Variants in KCNIP2 observed in about 807,000 individuals in gnomAD.
The protein encoded by KCNIP2 is A-type potassium channel modulatory protein KCNIP2.
In KCNIP2, 19 loss-of-function variants were observed where a neutral mutation model predicts 39.0. The observed-to-expected ratio is 0.49, with a 90% CI of 0.34 to 0.71. The LOEUF is 0.71. KCNIP2 is among the 30% of genes least tolerant of loss of function. The pLI is 0.01. For missense variants in KCNIP2, 261 were observed against 346.0 expected (o/e 0.75, Z 1.95); for synonymous variants, 111 against 131.2 (o/e 0.85, Z 1.05).
intron 1 of KCNIP2, among the ~76,000 whole-genome samples, chr10:101,832,296 CTGTGTGTGTGTGTGTGTGTG>C (rs57005983): frequency 5.0e-5 from 7 of 139,976 alleles, no homozygotes; most frequent in African/African-American, 8.2e-5. Flanking sequence ...CTCAGTGTTA[CTGTGTGTGTGTGTGTGTGTG>C]TGTGTGTGTG....
rs1397578911 is a variant in KCNIP2 at position 101,838,855 on chromosome 10, G to A, written c.73+4641C>T. ...GAATGCCACAGGACCAGGTTGTTTT[G>A]GTCTGTTTGAGGTCAGGTACAGAGG... On this transcript the variant is annotated intron_variant, in intron 1 of 9. Coordinates refer to ENST00000356640, the MANE Select transcript of KCNIP2 (RefSeq NM_173191.3). The surrounding 1 kb of genome is among the most constrained non-coding windows in gnomAD (Gnocchi z 4.0). Among the ~76,000 whole-genome samples the A allele has an allele frequency of 1.3e-5, 2 of 152,172 alleles. No homozygotes were observed. Among genetic ancestry groups the A allele is most frequent in the Non-Finnish European group, 2.9e-5 (2 of 68,034 alleles).
In KCNIP2 at chr10:101,828,180, G is replaced by C; in HGVS notation, c.568C>G (p.Leu190Val). The C allele has an allele frequency of 6.2e-7, 1 of 1,614,058 alleles. No individual in the cohort carries two copies. ...RLNWAFNLYD[L>V]NKDGCITKEE... ...TTGGTGATGCAGCCGTCCTTGTTAA[G>C]GTCATACAGGTTGAAGGCCCAATTA... The change falls in exon 7 of 10, where the codon CTT becomes GTT. Residue 190 changes from leucine (L) to valine (V), a missense_variant. Transcript: ENST00000356640. This position sits in a 1 kb window ranked among gnomAD's most constrained non-coding sequence, Gnocchi z 6.6.
chr10:101,829,188 C>T lies in KCNIP2; in HGVS notation c.235G>A (p.Asp79Asn). 2 of 1,613,294 alleles carry T rather than the reference C, an allele frequency of 1.2e-6. No homozygotes were observed. Among genetic ancestry groups the T allele is most frequent in the Non-Finnish European group, 1.7e-6 (2 of 1,179,618 alleles). The stretch of plus-strand genomic sequence containing the variant: ...CACACGGTGGACAATTCAAATTCAT[C>T]GTCCACGCTGTCTGCGGGAGCGGTG... Reference protein sequence around the residue: ...PRLLDPDSVDDEFELSTVCHR... With the variant: ...PRLLDPDSVDNEFELSTVCHR... Residue 79 changes from aspartate (D) to asparagine (N), a missense_variant, in exon 4 of 10, where the codon GAT becomes AAT. Asp to Asn is a conservative substitution (Grantham distance 23). Coordinates refer to ENST00000356640, the MANE Select transcript of KCNIP2 (RefSeq NM_173191.3).
At chr10:101,827,794 A>C (rs1464074250) in intron 8 of KCNIP2, 43 bp from the exon 9 acceptor site, 1 of 1,552,574 alleles carries the variant, frequency 6.4e-7, no homozygotes, top group East Asian at 2.2e-5. Context: ...AGGGATGGCA[A>C]GAGAGAGGCA....
chr10:101,833,612 C>T (rs917491712), intron 1 of KCNIP2, among the ~76,000 whole-genome samples: 1 of 152,170 alleles, frequency 6.6e-6, no homozygotes, highest in Non-Finnish European at 1.5e-5. Flanking sequence ...CAGCCACATA[C>T]TGTGCCACTC....
At chr10:101,830,835 CCCCA>C (rs773152833) in intron 2 of KCNIP2, among the ~76,000 whole-genome samples, 1 of 149,482 alleles carries the variant, frequency 6.7e-6, no homozygotes, top group Non-Finnish European at 1.5e-5. Flanking sequence ...GGGCACGCCC[CCCCA>C]CACACACACG....
Position 101,827,274 on chromosome 10 carries a change from G to C in KCNIP2, c.*79C>G. Reference sequence around the variant, plus strand: ...GAGGCGTAGGATGAGGATAGACCTGGGAAGAGAAGGGTGAGGTCCGCCTGG... The same window carrying C: ...GAGGCGTAGGATGAGGATAGACCTGCGAAGAGAAGGGTGAGGTCCGCCTGG... On this transcript the variant is annotated 3_prime_UTR_variant, in exon 10 of 10. Transcript: ENST00000356640. 6.6e-7 allele frequency: 1 copy of C among 1,505,546 alleles called. No individual in the cohort carries two copies. The highest frequency in any genetic ancestry group is 2.3e-5 in the East Asian group (1 of 43,500). The allele number at this position is 1,505,546 out of a possible 1,614,324, so 93.3% of individuals were successfully genotyped here.
At chr10:101,830,467 C>G (rs1437842936) in intron 2 of KCNIP2, 1 of 1,281,842 alleles carries the variant, frequency 7.8e-7, no homozygotes, top group Admixed American at 2.5e-5. Flanking sequence ...CTGGTCTACA[C>G]AGGCCGCCAC....
intron 1 of KCNIP2, chr10:101,839,761 A>G: frequency 6.2e-7 from 1 of 1,612,568 alleles, no homozygotes. Flanking sequence ...ACCTGGGGAC[A>G]GCGACCCAGT....
At chr10:101,841,120 A>G (rs746608040) in intron 1 of KCNIP2, among the ~76,000 whole-genome samples, 1 of 152,082 alleles carries the variant, frequency 6.6e-6, no homozygotes. Flanking sequence ...TTGTTTTCCT[A>G]AAGAGTCTCT....
rs1419185356 is a variant in KCNIP2 at position 101,828,841 on chromosome 10, G to A, written c.349-145C>T. 6.4e-7 allele frequency: 1 copy of A among 1,567,970 alleles called. No individual in the cohort carries two copies. Among genetic ancestry groups the A allele is most frequent in the Non-Finnish European group, 8.6e-7 (1 of 1,156,440 alleles). ...CACCACGTGGCTCATGTGATGGGAGGGAAGACTTCTTTCCCAGTGCACAAA... is the reference window on the plus strand; with the variant it reads ...CACCACGTGGCTCATGTGATGGGAGAGAAGACTTCTTTCCCAGTGCACAAA... On this transcript the variant is annotated intron_variant, in intron 4 of 9. Transcript: ENST00000356640. The surrounding 1 kb of genome is among the most constrained non-coding windows in gnomAD (Gnocchi z 6.6).
rs1292753085 is a variant in KCNIP2 at position 101,829,877 on chromosome 10, G to A, written c.190C>T (p.Leu64Phe). The stretch of plus-strand genomic sequence containing the variant: ...AGCAGGCGGGGTCTGTGGGGGCGGA[G>A]GGAGGCTGGGGCGGCTAATGCTGAA... ...VSETLAAPASLRPHRPRLLDP... is the reference protein window; with the variant it reads ...VSETLAAPASFRPHRPRLLDP... Residue 64 changes from leucine to phenylalanine, a missense_variant, in exon 3 of 10, where the codon CTC (leucine) becomes TTC (phenylalanine). Physicochemically the swap from Leu to Phe is conservative, Grantham distance 22 (BLOSUM62 0). Transcript: ENST00000356640. The A allele has an allele frequency of 1.3e-6, 2 of 1,510,368 alleles. No individual in the cohort carries two copies. The highest frequency in any genetic ancestry group is 2.5e-5 in the Admixed American group (1 of 40,806). 93.6% of individuals were successfully genotyped at this position (1,510,368 alleles called of 1,614,324 possible).
intron 1 of KCNIP2, among the ~76,000 whole-genome samples, chr10:101,836,013 G>A (rs1035574444): frequency 1.3e-5 from 2 of 152,208 alleles, no homozygotes; most frequent in South Asian, 2.1e-4. Context: ...GCCCAGCCAG[G>A]AGGCCCAATT....
rs1331462859 is a variant in KCNIP2 at position 101,828,756 on chromosome 10, C to G, written c.349-60G>C. The G allele has an allele frequency of 1.9e-6, 3 of 1,613,014 alleles. No homozygotes were observed. ...CAAAATCCCCTTCCGTTCACCGCCC[C>G]CACCCTCCATGGCCCAAGACTCCCA... On this transcript the variant is annotated intron_variant, in intron 4 of 9. Transcript: ENST00000356640. This position sits in a 1 kb window ranked among gnomAD's most constrained non-coding sequence, Gnocchi z 6.6.
Position 101,831,162 on chromosome 10 carries a change from G to C in KCNIP2, c.79C>G (p.Pro27Ala), listed in dbSNP as rs1815429231. 6.2e-7 allele frequency: 1 copy of C among 1,603,246 alleles called. No individual in the cohort carries two copies. Among genetic ancestry groups the C allele is most frequent in the Admixed American group, 1.7e-5 (1 of 58,280 alleles). Residue 27 changes from proline (P) to alanine (A), a missense_variant, in exon 2 of 10, where the codon CCT (proline) becomes GCT (alanine). Coordinates refer to ENST00000356640, the MANE Select transcript of KCNIP2 (RefSeq NM_173191.3). ...AGCGCTTTTTTAGTGGGCCCTGGAG[G>C]GTGGCCTGGGAAGAGAGAAGACCCC... ...DGSYDQLTGH[P>A]PGPTKKALKQ...
At chr10:101,830,396 G>T (rs1482286511) in intron 2 of KCNIP2, 1 of 1,284,678 alleles carries the variant, frequency 7.8e-7, no homozygotes, top group Admixed American at 2.5e-5. Context: ...GGGGAAGGGG[G>T]CGGCCGCACG....
Position 101,843,184 on chromosome 10 carries a change from C to T in KCNIP2, c.73+312G>A, listed in dbSNP as rs190698796. On this transcript the variant is annotated intron_variant, in intron 1 of 9. Transcript: ENST00000356640. This position sits in a 1 kb window ranked among gnomAD's most constrained non-coding sequence, Gnocchi z 6.7. ...GGCAACCAGCTGTGGGAGGTGCGCGCGCACACACACACACACACACAGAAT... is the reference window on the plus strand; with the variant it reads ...GGCAACCAGCTGTGGGAGGTGCGCGTGCACACACACACACACACACAGAAT... 5.3e-5 allele frequency among the ~76,000 whole-genome samples: 8 copies of T among 151,982 alleles called. No homozygotes were observed. Among genetic ancestry groups the T allele is most frequent in the African/African-American group, 1.7e-4 (7 of 41,242 alleles).
intron 1 of KCNIP2, among the ~76,000 whole-genome samples, chr10:101,840,555 C>T (rs1487225929): frequency 6.3e-5 from 9 of 143,068 alleles, no homozygotes; most frequent in Non-Finnish European, 1.2e-4. Context: ...CCCGCACCCC[C>T]CCCCCACTTC....
rs1303198349 is a variant in KCNIP2, at chr10:101,827,176, C to T, written c.*177G>A. 8 of 1,321,996 alleles carry T rather than the reference C, an allele frequency of 6.1e-6. No individual in the cohort carries two copies. The East Asian group carries it at 1.6e-4, about 26-fold the overall frequency. The allele number at this position is 1,321,996 out of a possible 1,614,324, so 81.9% of individuals were successfully genotyped here. ...CACCCCCCGAGATGCACTCTGCCCA[C>T]TCTCTGGCCCCTTCAGCTCCAGAGA... On this transcript the variant is annotated 3_prime_UTR_variant, in exon 10 of 10. Coordinates refer to ENST00000356640, the MANE Select transcript of KCNIP2 (RefSeq NM_173191.3).
Sources: allele counts gnomAD v4.1 joint callset (sites outside exome capture counted in the v4.1 genomes callset), GRCh38; gene constraint gnomAD v4.1.1; non-coding constraint Gnocchi (gnomAD v3.1); transcripts MANE v1.5; gene names NCBI Gene and HGNC (gene_info 2026-07-23, HGNC 2026-07-21).